NAA11: variants seen among roughly 807,000 people sequenced by gnomAD.
NAA11 encodes the protein N-alpha-acetyltransferase 11.
In NAA11, 15 loss-of-function variants were observed where a neutral mutation model predicts 16.1. The observed-to-expected ratio is 0.93, with a 90% CI of 0.62 to 1.44. NAA11 has a LOEUF of 1.44. Ranked by LOEUF, NAA11 falls within the 40% of genes most tolerant of loss-of-function variation. The pLI, the probability that NAA11 is intolerant of heterozygous loss-of-function variation, is 0.00. For missense variants in NAA11, 298 were observed against 291.3 expected, an observed-to-expected ratio of 1.02 and a Z score of -0.17; for synonymous variants, 122 against 112.4, an observed-to-expected ratio of 1.09 and a Z score of -0.54.
chr4:79,158,671 A>G, the NAA11 span, among the ~76,000 whole-genome samples: 4 of 146,882 alleles, frequency 2.7e-5, no homozygotes, highest in Non-Finnish European at 6.1e-5. Flanking sequence ...AAGCAAAAAG[A>G]GCAAATGTGG....
At chr4:79,282,674 T>C (rs1722821305) in intron 2 of NAA11, among the ~76,000 whole-genome samples, 2 of 152,122 alleles carry the variant, frequency 1.3e-5, no homozygotes, top group Admixed American at 1.3e-4. Context: ...AGAAGTTTTG[T>C]TTGAGGCATG....
At chr4:79,235,078 T>C (rs1721544254) in intron 2 of NAA11, among the ~76,000 whole-genome samples, 1 of 152,136 alleles carries the variant, frequency 6.6e-6, no homozygotes, top group Admixed American at 6.5e-5. Flanking sequence ...AGCTGATCTT[T>C]TTCATTTAAC....
intron 2 of NAA11, among the ~76,000 whole-genome samples, chr4:79,240,922 G>A (rs1209798631): frequency 6.6e-6 from 1 of 152,182 alleles, no homozygotes; most frequent in Non-Finnish European, 1.5e-5. Context: ...TGAGGACTCA[G>A]ACACTTCGGG....
At chr4:79,201,139 T>A in the NAA11 span, among the ~76,000 whole-genome samples, 1 of 151,652 alleles carries the variant, frequency 6.6e-6, no homozygotes, top group Non-Finnish European at 1.5e-5. Context: ...AGTGCATGGC[T>A]GTTTCTTAAT....
Position 79,250,593 on chromosome 4 carries a change from G to A in NAA11, c.*123-24323C>T, listed in dbSNP as rs1396250312. Among the ~76,000 whole-genome samples, 3 of 152,110 alleles carry A rather than the reference G, an allele frequency of 2.0e-5. 1 individual carries two copies. Among genetic ancestry groups the A allele is most frequent in the African/African-American group, 4.8e-5 (2 of 41,426 alleles). ...CCGGCAAAGATTTCATGATGAAGACGCCAAAAGCAATTACAACAAAAACAA... is the reference window on the plus strand; with the variant it reads ...CCGGCAAAGATTTCATGATGAAGACACCAAAAGCAATTACAACAAAAACAA... On this transcript the variant is annotated intron_variant and NMD_transcript_variant, in intron 2 of 2. Transcript: ENST00000511542.
chr4:79,224,645 G>T (rs529404935), downstream of NAA11, among the ~76,000 whole-genome samples: 42 of 152,204 alleles, frequency 2.8e-4, no homozygotes, highest in South Asian at 2.3e-3. Context: ...GGAGGCTGGA[G>T]AAGTGAGTGC....
chr4:79,261,522 G>A (rs1244528078), intron 2 of NAA11, among the ~76,000 whole-genome samples: 4 of 152,282 alleles, frequency 2.6e-5, no homozygotes, highest in Non-Finnish European at 5.9e-5. Context: ...AGAAGAGGCA[G>A]GGGTAGGATC....
the NAA11 span, among the ~76,000 whole-genome samples, chr4:79,187,944 A>G: frequency 1.5e-5 from 2 of 134,024 alleles, no homozygotes; most frequent in African/African-American, 5.5e-5. Flanking sequence ...GCTTGCAGTG[A>G]GCCGAGATCG....
chr4:79,189,924 T>G, the NAA11 span, among the ~76,000 whole-genome samples: 2 of 152,096 alleles, frequency 1.3e-5, no homozygotes, highest in African/African-American at 4.8e-5. Flanking sequence ...ATGGTGGAGA[T>G]AGCTATAACT....
chr4:79,237,533 A>G (rs1333383959), intron 2 of NAA11, among the ~76,000 whole-genome samples: 1 of 152,226 alleles, frequency 6.6e-6, no homozygotes, highest in East Asian at 1.9e-4. Context: ...TTTTAAGTAT[A>G]GAATTCAACG....
At chr4:79,273,175 C>T (rs1344038031) in intron 2 of NAA11, among the ~76,000 whole-genome samples, 3 of 151,856 alleles carry the variant, frequency 2.0e-5, no homozygotes, top group African/African-American at 4.8e-5. Flanking sequence ...TTCCACCTTT[C>T]GATGGGGGAG....
chr4:79,195,355 C>G, the NAA11 span, among the ~76,000 whole-genome samples: 11 of 152,150 alleles, frequency 7.2e-5, no homozygotes, highest in African/African-American at 2.6e-4. Context: ...GGTGAACTTA[C>G]TCAGTTTGTA....
At chr4:79,278,478 C>T (rs1459195415) in intron 2 of NAA11, among the ~76,000 whole-genome samples, 2 of 152,082 alleles carry the variant, frequency 1.3e-5, no homozygotes, top group Non-Finnish European at 1.5e-5. Flanking sequence ...AATCGCCTTG[C>T]ACTTTATTAA....
At chr4:79,180,223 G>T in the NAA11 span, among the ~76,000 whole-genome samples, 5 of 151,914 alleles carry the variant, frequency 3.3e-5, no homozygotes, top group African/African-American at 7.3e-5. Flanking sequence ...TCAAATGGAG[G>T]AAAAAAATCA....
intron 2 of NAA11, among the ~76,000 whole-genome samples, chr4:79,253,526 T>C (rs1241972571): frequency 1.3e-5 from 2 of 151,760 alleles, no homozygotes; most frequent in East Asian, 1.9e-4. Flanking sequence ...GGAGAACCAG[T>C]TGAAGAGAAG....
chr4:79,193,963 T>C, the NAA11 span, among the ~76,000 whole-genome samples: 1 of 152,192 alleles, frequency 6.6e-6, no homozygotes, highest in African/African-American at 2.4e-5. Context: ...GTTGGATTCC[T>C]AGGTATTTTA....
intron 2 of NAA11, among the ~76,000 whole-genome samples, chr4:79,240,654 G>T (rs562159905): frequency 6.6e-6 from 1 of 152,208 alleles, no homozygotes; most frequent in African/African-American, 2.4e-5. Context: ...AGATGAGACT[G>T]CCAACTAGTC....
the NAA11 span, among the ~76,000 whole-genome samples, chr4:79,206,772 T>G: frequency 2.0e-5 from 3 of 152,176 alleles, no homozygotes; most frequent in African/African-American, 7.2e-5. Context: ...CGTCAAGTTA[T>G]AAATGACCCT....
At chr4:79,301,565 G>A (rs1372255811) in intron 1 of NAA11, among the ~76,000 whole-genome samples, 1 of 152,066 alleles carries the variant, frequency 6.6e-6, no homozygotes, top group Non-Finnish European at 1.5e-5. Flanking sequence ...CTCATTTCTT[G>A]GTGATAGAAT....
Sources: gnomAD v4.1 joint callset for allele counts (sites outside exome capture counted in the v4.1 genomes callset) on GRCh38, gnomAD v4.1.1 for gene constraint, MANE v1.5 for transcripts, NCBI Gene and HGNC (gene_info 2026-07-23, HGNC 2026-07-21) for gene names.